Variants in FECH observed in about 807,000 individuals in gnomAD.
FECH encodes ferrochelatase, mitochondrial.
Under a neutral mutation model 56.9 loss-of-function variants are expected in FECH, and 40 were observed. The ratio of observed to expected loss-of-function variants is 0.70; its 90% CI spans 0.55 to 0.92. The LOEUF (loss-of-function observed/expected upper bound fraction) is 0.92. Among genes scored for constraint, FECH ranks in the 40% least tolerant of loss-of-function variants. The pLI, the probability that FECH is intolerant of heterozygous loss-of-function variation, is 0.00. For synonymous variants in FECH, 175 were observed against 198.6 expected (o/e 0.88, Z 1.00); for missense variants, 431 against 529.1 (o/e 0.81, Z 1.82).
At chr18:57,582,307 A>T (rs317805) in intron 1 of FECH, among the ~76,000 whole-genome samples, 60,208 of 151,938 alleles carry the variant, frequency 0.4, 12,503 homozygotes, top group East Asian at 0.64. Context: ...TGCTCATTGG[A>T]GCATTTTGAA....
intron 1 of FECH, among the ~76,000 whole-genome samples, chr18:57,581,860 C>A (rs1250701382): frequency 6.6e-6 from 1 of 152,146 alleles, no homozygotes; most frequent in Non-Finnish European, 1.5e-5. Context: ...TATCTCCAGG[C>A]CATTAGATTT....
Position 57,546,971 on chromosome 18 carries a change from A to C in FECH, c.*3741T>G, listed in dbSNP as rs1036289788. On this transcript the variant is annotated 3_prime_UTR_variant, in exon 11 of 11. Coordinates refer to ENST00000262093, the MANE Select transcript of FECH (RefSeq NM_000140.5). ...CGAGACTCCATCTCAAAAAAAAAAA[A>C]AAAAAATTTAAGGAGTGCCCTGCCG... Among the ~76,000 whole-genome samples the C allele has an allele frequency of 4.6e-5, 7 of 151,798 alleles. No individual in the cohort carries two copies. The highest frequency in any genetic ancestry group is 1.5e-5 in the Non-Finnish European group (1 of 67,948).
intron 7 of FECH, among the ~76,000 whole-genome samples, chr18:57,557,213 CTG>C (rs1251781132): frequency 2.0e-5 from 3 of 152,150 alleles, no homozygotes; most frequent in Non-Finnish European, 4.4e-5. Context: ...TCTTTTAACT[CTG>C]TACTCTTTTA....
chr18:57,557,314 G>A (rs538251954), intron 7 of FECH, among the ~76,000 whole-genome samples: 2 of 152,156 alleles, frequency 1.3e-5, no homozygotes, highest in African/African-American at 2.4e-5. Context: ...GAGTGTGCTA[G>A]ATCAGTGTTC....
At chr18:57,568,149 G>A (rs35558171) in intron 4 of FECH, among the ~76,000 whole-genome samples, 14,119 of 152,200 alleles carry the variant, frequency 0.093, 825 homozygotes, top group Non-Finnish European at 0.14. Context: ...AACTGCTTTC[G>A]ATTCTACTTT....
chr18:57,579,265 A>ATATATATATGTGTGTATATC (rs58129644), intron 2 of FECH, among the ~76,000 whole-genome samples: 32,244 of 120,870 alleles, frequency 0.27, 4,532 homozygotes, highest in Non-Finnish European at 0.34. Context: ...AAAAAGATAT[A>ATATATATATGTGTGTATATC]TATATATATG....
chr18:57,580,342 G>T, intron 1 of FECH, 143 bp from the exon 2 acceptor site: 1 of 1,207,180 alleles, frequency 8.3e-7, no homozygotes. Flanking sequence ...TCTGCAGGCA[G>T]GTAAAGGAAC....
At chr18:57,553,107 T>A (rs1247732139) in intron 9 of FECH, among the ~76,000 whole-genome samples, 1 of 152,188 alleles carries the variant, frequency 6.6e-6, no homozygotes, top group Non-Finnish European at 1.5e-5. Flanking sequence ...AAAAAATTGA[T>A]TTCCAAACAT....
At chr18:57,555,946 T>C (rs1261162667) in intron 7 of FECH, among the ~76,000 whole-genome samples, 1 of 152,180 alleles carries the variant, frequency 6.6e-6, no homozygotes, top group African/African-American at 2.4e-5. Context: ...CTCACCAACA[T>C]GGTGAAACCC....
At position 57,586,457 on chromosome 18, in the gene FECH, A is replaced by C. The variant is rs549248885; in HGVS notation, c.67+97T>G. On this transcript the variant is annotated intron_variant, in intron 1 of 10. Coordinates refer to ENST00000262093, the MANE Select transcript of FECH (RefSeq NM_000140.5). ...CAGCACCCCCAAGGCCGCTCCCCGA[A>C]TCCCCCGGGCGCGAGGGCCCGGGCG... The C allele has an allele frequency of 2.2e-4, 293 of 1,332,546 alleles. 3 individuals are homozygous for C. In the East Asian group the frequency reaches 8.2e-3, roughly 37 times the overall value. The allele number at this position is 1,332,546 out of a possible 1,614,324, so 82.5% of individuals were successfully genotyped here.
chr18:57,551,075 T>C lies in FECH; in HGVS notation c.1138-229A>G, dbSNP rs1015478801. 6.3e-6 allele frequency: 4 copies of C among 639,772 alleles called. No homozygotes were observed. The Admixed American group carries it at 8.4e-5, about 14-fold the overall frequency. The allele number at this position is 639,772 out of a possible 1,614,324, so 39.6% of individuals were successfully genotyped here. ...GATGAAAACCTCTTACCCTACCCAC[T>C]AGGCCTTTTCTCTGGAAAGCAGGTT... On this transcript the variant is annotated intron_variant, in intron 10 of 10. Coordinates refer to ENST00000262093, the MANE Select transcript of FECH (RefSeq NM_000140.5).
intron 6 of FECH, among the ~76,000 whole-genome samples, chr18:57,560,671 A>C (rs929255724): frequency 1.2e-4 from 19 of 152,184 alleles, no homozygotes; most frequent in African/African-American, 4.6e-4. Flanking sequence ...TAATACAGTA[A>C]TATAGGTAAA....
intron 9 of FECH, among the ~76,000 whole-genome samples, chr18:57,553,319 T>C (rs755620441): frequency 3.3e-5 from 5 of 152,166 alleles, no homozygotes; most frequent in Admixed American, 1.3e-4. Context: ...CCATGTCTGA[T>C]TGATGTCCAG....
intron 7 of FECH, 28 bp from the exon 8 acceptor site, chr18:57,554,980 G>C: frequency 1.3e-6 from 2 of 1,568,856 alleles, no homozygotes; most frequent in Non-Finnish European, 1.8e-6. Context: ...TGGGTGTTCA[G>C]CCATTAACAC....
chr18:57,564,590 A>G (rs754335056), intron 5 of FECH, among the ~76,000 whole-genome samples: 3 of 152,218 alleles, frequency 2.0e-5, no homozygotes, highest in Non-Finnish European at 4.4e-5. Context: ...TAAATCACAT[A>G]TACTCTCAGA....
At chr18:57,554,225 G>C in intron 9 of FECH, 35 bp downstream of exon 9, 1 of 1,613,408 alleles carries the variant, frequency 6.2e-7, no homozygotes, top group African/African-American at 1.3e-5. Context: ...TTTAAAACAA[G>C]TCATGATGGG....
intron 1 of FECH, 105 bp from the exon 2 acceptor site, chr18:57,580,304 A>T (rs1269134652): frequency 2.9e-6 from 4 of 1,402,202 alleles, no homozygotes; most frequent in Admixed American, 3.8e-5. Flanking sequence ...AAGAGATCCC[A>T]TGGCAGAAAT....
intron 3 of FECH, among the ~76,000 whole-genome samples, chr18:57,572,030 G>A (rs926029325): frequency 1.6e-4 from 25 of 152,124 alleles, no homozygotes; most frequent in African/African-American, 5.8e-4. Context: ...CATGAAGCAT[G>A]GATTAAACAA....
At chr18:57,573,108 T>G (rs183655515) in intron 3 of FECH, 138 bp downstream of exon 3, 2 of 892,426 alleles carry the variant, frequency 2.2e-6, no homozygotes, top group Non-Finnish European at 3.6e-6. Flanking sequence ...CCTTCTGATA[T>G]CCAACAGAAA....
Sources: gnomAD v4.1 joint callset for allele counts (sites outside exome capture counted in the v4.1 genomes callset) on GRCh38, gnomAD v4.1.1 for gene constraint, MANE v1.5 for transcripts, NCBI Gene and HGNC (gene_info 2026-07-23, HGNC 2026-07-21) for gene names.